The following ICA1L variants were observed in gnomAD, a reference collection of about 807,000 sequenced individuals.
The protein encoded by ICA1L is islet cell autoantigen 1 like.
In ICA1L, 50 loss-of-function variants were observed where a neutral mutation model predicts 61.3. The observed-to-expected ratio is 0.82, with a 90% CI of 0.65 to 1.03. ICA1L has a LOEUF of 1.03. ICA1L is among the 50% of genes least tolerant of loss of function. ICA1L has a pLI of 0.00. For missense variants in ICA1L, 508 were observed against 556.7 expected, an observed-to-expected ratio of 0.91 and a Z score of 0.88; for synonymous variants, 161 against 191.3, an observed-to-expected ratio of 0.84 and a Z score of 1.31.
chr2:202,815,901 C>A lies in ICA1L; in HGVS notation c.783+10G>T. 6.6e-7 allele frequency: 1 copy of A among 1,509,822 alleles called. No individual in the cohort carries two copies. The allele number at this position is 1,509,822 out of a possible 1,614,324, so 93.5% of individuals were successfully genotyped here. On this transcript the variant is annotated intron_variant, in intron 7 of 12. Coordinates refer to ENST00000358299, the MANE Select transcript of ICA1L (RefSeq NM_001288622.3). Reference sequence around the variant, plus strand: ...TACATCTAAACAAGAGAACATGGAACACAATGTACCTTGAGAGCTACAAAA... The same window carrying A: ...TACATCTAAACAAGAGAACATGGAAAACAATGTACCTTGAGAGCTACAAAA...
At chr2:202,779,808 T>G (rs961338982) in intron 12 of ICA1L, among the ~76,000 whole-genome samples, 160 bp from the exon 13 acceptor site, 25 of 151,816 alleles carry the variant, frequency 1.6e-4, no homozygotes, top group African/African-American at 5.3e-4. Flanking sequence ...GATTTTTTTT[T>G]TTTTTTTTTG....
At chr2:202,809,294 A>G (rs1171974771) in intron 9 of ICA1L, among the ~76,000 whole-genome samples, 2 of 151,880 alleles carry the variant, frequency 1.3e-5, no homozygotes, top group Non-Finnish European at 2.9e-5. Context: ...TTGATCAAGC[A>G]GAAGAAAGAA....
rs572335411 is a variant in ICA1L, at chr2:202,837,276, G to A, written c.-7-8260C>T. On this transcript the variant is annotated intron_variant, in intron 1 of 12. Coordinates refer to ENST00000358299, the MANE Select transcript of ICA1L (RefSeq NM_001288622.3). ...CTAACTAAAGGCTTACCAATTTTCC[G>A]TTGTTGTTTTTTTTTGTTTTTGTTT... Among the ~76,000 whole-genome samples, 11 of 151,024 alleles carry A rather than the reference G, an allele frequency of 7.3e-5. No homozygotes were observed. In the East Asian group the frequency reaches 1.4e-3, roughly 19 times the overall value.
intron 11 of ICA1L, among the ~76,000 whole-genome samples, chr2:202,786,228 T>C (rs1237793908): frequency 6.6e-6 from 1 of 152,240 alleles, no homozygotes; most frequent in East Asian, 1.9e-4. Flanking sequence ...CAAAGTGGTT[T>C]TGAAATAAAT....
In ICA1L at chr2:202,788,951, G is replaced by C. The variant is rs769619507; in HGVS notation, c.1122C>G (p.Ser374Arg). 6.2e-7 allele frequency: 1 copy of C among 1,614,142 alleles called. No homozygotes were observed. ...CCTGGGATGTGAGACTGGCACTGGG[G>C]CTCCCAAAGGCAGTCTGGCATTCTT... is the stretch of plus-strand genomic sequence containing the variant. ...FTQECQTAFG[S>R]PSASLTSQEP... The change falls in exon 11 of 13, where the codon AGC (serine) becomes AGG (arginine). Residue 374 changes from serine (S) to arginine (R), a missense_variant. Coordinates refer to ENST00000358299, the MANE Select transcript of ICA1L (RefSeq NM_001288622.3).
At chr2:202,828,107 A>T (rs1256688971) in intron 2 of ICA1L, among the ~76,000 whole-genome samples, 2 of 152,068 alleles carry the variant, frequency 1.3e-5, no homozygotes, top group Non-Finnish European at 2.9e-5. Context: ...TCTACTAAAA[A>T]TACAAAATTA....
At chr2:202,840,939 A>G in intron 1 of ICA1L, 3 of 721,306 alleles carry the variant, frequency 4.2e-6, no homozygotes, top group Non-Finnish European at 7.6e-6. Context: ...GATCTGGTAC[A>G]TGCTCTCAGC....
intron 1 of ICA1L, among the ~76,000 whole-genome samples, chr2:202,844,054 T>C (rs1360154096): frequency 6.6e-6 from 1 of 152,212 alleles, no homozygotes; most frequent in African/African-American, 2.4e-5. Context: ...GTGTTTCCAG[T>C]TTGGGACTAT....
chr2:202,800,990 TTA>T (rs1406657098), intron 9 of ICA1L, among the ~76,000 whole-genome samples: 1 of 149,212 alleles, frequency 6.7e-6, no homozygotes, highest in African/African-American at 2.5e-5. Flanking sequence ...CAAATGGACT[TTA>T]TCAGTAAAGA....
chr2:202,852,022 T>C (rs1694638643), intron 1 of ICA1L, among the ~76,000 whole-genome samples: 1 of 152,234 alleles, frequency 6.6e-6, no homozygotes, highest in Non-Finnish European at 1.5e-5. Context: ...TAGATCCCAT[T>C]TGTCAATTTT....
At chr2:202,869,208 A>G (rs1687619872) in intron 1 of ICA1L, among the ~76,000 whole-genome samples, 1 of 151,338 alleles carries the variant, frequency 6.6e-6, no homozygotes, top group Non-Finnish European at 1.5e-5. Context: ...AATACAAAAA[A>G]TCAGCCAGGC....
chr2:202,864,627 ATG>A (rs566451955), intron 1 of ICA1L, among the ~76,000 whole-genome samples: 6,116 of 150,296 alleles, frequency 0.041, 365 homozygotes, highest in African/African-American at 0.13. Context: ...GTATATATAT[ATG>A]TGTGTGTGTG....
At chr2:202,797,171 T>C (rs959643256) in intron 9 of ICA1L, among the ~76,000 whole-genome samples, 3 of 151,908 alleles carry the variant, frequency 2.0e-5, no homozygotes, top group Non-Finnish European at 4.4e-5. Flanking sequence ...TGTATATGTA[T>C]ATAAATGAAA....
chr2:202,807,558 C>A (rs1370934622), intron 9 of ICA1L, among the ~76,000 whole-genome samples: 1 of 152,174 alleles, frequency 6.6e-6, no homozygotes. Flanking sequence ...ACTGCAATTC[C>A]TGGGCAAGCC....
chr2:202,849,205 C>A lies in ICA1L; in HGVS notation c.-7-20189G>T, dbSNP rs1430658317. On this transcript the variant is annotated intron_variant, in intron 1 of 12. Transcript: ENST00000358299. The surrounding 1 kb of genome is among the most constrained non-coding windows in gnomAD (Gnocchi z 4.5). ...GCACAAAACCGGGTGGCTGTTTGGG[C>A]AGACACCGAGCTAGCTGCAGGAGGT... is the stretch of plus-strand genomic sequence containing the variant. Among the ~76,000 whole-genome samples, 2 of 152,198 alleles carry A rather than the reference C, an allele frequency of 1.3e-5. No individual in the cohort carries two copies. The highest frequency in any genetic ancestry group is 6.5e-5 in the Admixed American group (1 of 15,280).
intron 9 of ICA1L, among the ~76,000 whole-genome samples, chr2:202,800,630 T>C (rs1380186384): frequency 2.6e-5 from 4 of 152,154 alleles, no homozygotes; most frequent in Non-Finnish European, 2.9e-5. Flanking sequence ...TCAACTATTA[T>C]GAGGGCCATT....
chr2:202,786,864 T>C (rs112986825), intron 11 of ICA1L: 11 of 394,850 alleles, frequency 2.8e-5, no homozygotes, highest in African/African-American at 1.3e-4. Flanking sequence ...TAAAATGTCA[T>C]TATGAATACT....
chr2:202,793,583 C>T (rs1048338503), intron 10 of ICA1L, among the ~76,000 whole-genome samples: 6 of 147,028 alleles, frequency 4.1e-5, no homozygotes, highest in African/African-American at 1.5e-4. Flanking sequence ...GAGGCTGAGC[C>T]AGGGAGAACT....
Position 202,788,951 on chromosome 2 carries a change from G to A in ICA1L, c.1122C>T (p.Ser374=), listed in dbSNP as rs769619507. 1 of 1,614,142 alleles carries A rather than the reference G, an allele frequency of 6.2e-7. No individual in the cohort carries two copies. Among genetic ancestry groups the A allele is most frequent in the Non-Finnish European group, 8.5e-7 (1 of 1,180,026 alleles). The change falls in exon 11 of 13, where the codon AGC becomes AGT. Residue 374 remains serine, a synonymous_variant. Coordinates refer to ENST00000358299, the MANE Select transcript of ICA1L (RefSeq NM_001288622.3). ...FTQECQTAFG[S]PSASLTSQEP... ...CCTGGGATGTGAGACTGGCACTGGG[G>A]CTCCCAAAGGCAGTCTGGCATTCTT...
Sources: gnomAD v4.1 joint callset for allele counts (sites outside exome capture counted in the v4.1 genomes callset) on GRCh38, gnomAD v4.1.1 for gene constraint, Gnocchi (gnomAD v3.1) non-coding constraint, MANE v1.5 for transcripts, NCBI Gene and HGNC (gene_info 2026-07-23, HGNC 2026-07-21) for gene names.